The following EFL1 variants were observed in gnomAD, a reference collection of about 807,000 sequenced individuals.
EFL1 encodes the protein elongation factor-like GTPase 1.
EFL1 carries 76 observed loss-of-function variants against 126.7 expected under a neutral mutation model. The ratio of observed to expected loss-of-function variants is 0.60; its 90% CI spans 0.50 to 0.73. The LOEUF is 0.73. Among genes scored for constraint, EFL1 ranks in the 30% least tolerant of loss-of-function variants. The pLI is 0.00. For missense variants in EFL1, 1,128 were observed against 1,343.2 expected, an observed-to-expected ratio of 0.84 and a Z score of 2.50; for synonymous variants, 410 against 448.4, an observed-to-expected ratio of 0.91 and a Z score of 1.08.
intron 15 of EFL1, among the ~76,000 whole-genome samples, chr15:82,200,833 T>C (rs2074459940): frequency 6.6e-6 from 1 of 152,240 alleles, no homozygotes; most frequent in African/African-American, 2.4e-5. Flanking sequence ...GAAAAGCCAA[T>C]GTATTCACTT....
intron 15 of EFL1, among the ~76,000 whole-genome samples, chr15:82,175,529 A>C (rs1450445196): frequency 3.9e-5 from 6 of 152,168 alleles, no homozygotes; most frequent in Non-Finnish European, 5.9e-5. Context: ...TACCATTTTC[A>C]ATATGAATGG....
chr15:82,147,467 T>C (rs1252674727), intron 18 of EFL1, among the ~76,000 whole-genome samples: 3 of 151,344 alleles, frequency 2.0e-5, no homozygotes, highest in African/African-American at 4.9e-5. Flanking sequence ...CCATCTCTAC[T>C]AAAAATAACA....
At chr15:82,230,491 A>G (rs2141315612) in intron 8 of EFL1, among the ~76,000 whole-genome samples, 1 of 152,270 alleles carries the variant, frequency 6.6e-6, no homozygotes, top group East Asian at 1.9e-4. Context: ...TGTGAACCAT[A>G]CAGGGATGTC....
chr15:82,147,313 C>T (rs2073857761), intron 18 of EFL1, among the ~76,000 whole-genome samples: 1 of 152,032 alleles, frequency 6.6e-6, no homozygotes, highest in South Asian at 2.1e-4. Context: ...AGGCACAGAC[C>T]TATGCGGGCC....
At chr15:82,213,748 G>A (rs1197124806) in intron 15 of EFL1, among the ~76,000 whole-genome samples, 1 of 152,230 alleles carries the variant, frequency 6.6e-6, no homozygotes, top group African/African-American at 2.4e-5. Context: ...AAAGCTGGCT[G>A]TGGCAGCTTA....
At chr15:82,163,268 A>G (rs1031225362) in intron 16 of EFL1, among the ~76,000 whole-genome samples, 45 of 152,218 alleles carry the variant, frequency 3.0e-4, no homozygotes, top group African/African-American at 1.0e-3. Context: ...TTGGCCGGGC[A>G]CTTTAGTTCA....
In EFL1 at chr15:82,140,494, A is replaced by C. The variant is rs1241344748; in HGVS notation, c.2990-1652T>G. ...TTCAGTATCTCCTGAACTTCTTCTT[A>C]TGAGTATTCTTTGAGGCTTCATACT... On this transcript the variant is annotated intron_variant, in intron 18 of 19. Transcript: ENST00000268206. Among the ~76,000 whole-genome samples, 5 of 152,240 alleles carry C rather than the reference A, an allele frequency of 3.3e-5. 1 individual carries two copies. In the East Asian group the frequency reaches 9.7e-4, roughly 29 times the overall value.
Position 82,230,863 on chromosome 15 carries a change from G to T in EFL1, c.840C>A (p.Ile280=). The change falls in exon 8 of 20, where the codon ATC becomes ATA. Residue 280 remains isoleucine (I), a synonymous_variant. Transcript: ENST00000268206. ...DYYINMKAKK[I]MKGDQAKGKK... ...ACCACATTACCTGATCACCCTTCAT[G>T]ATCTTTTTAGCCTTCATATTTATAT... The T allele has an allele frequency of 6.2e-7, 1 of 1,611,592 alleles. No individual in the cohort carries two copies. Among genetic ancestry groups the T allele is most frequent in the South Asian group, 1.1e-5 (1 of 90,494 alleles).
chr15:82,200,188 A>G lies in EFL1; in HGVS notation c.1750+14529T>C, dbSNP rs143698636. Among the ~76,000 whole-genome samples the G allele has an allele frequency of 6.9e-3, 1,053 of 152,336 alleles. 10 individuals are homozygous for G. The highest frequency in any genetic ancestry group is 8.2e-3 in the Non-Finnish European group (556 of 68,038). On this transcript the variant is annotated intron_variant, in intron 15 of 19. Transcript: ENST00000268206. ...GCATTACCTGGGTCATGCCCTAGAAAGGCTTAGCCAGGCACATGAGAGTTA... is the reference window on the plus strand; with the variant it reads ...GCATTACCTGGGTCATGCCCTAGAAGGGCTTAGCCAGGCACATGAGAGTTA...
chr15:82,168,049 A>AT (rs1054680140), intron 15 of EFL1, among the ~76,000 whole-genome samples: 6 of 152,032 alleles, frequency 3.9e-5, no homozygotes, highest in South Asian at 2.1e-4. Flanking sequence ...AGAGATGAGG[A>AT]TTTTTTTTAA....
intron 12 of EFL1, 111 bp from the exon 13 acceptor site, chr15:82,220,340 A>T: frequency 7.3e-7 from 1 of 1,378,522 alleles, no homozygotes; most frequent in Non-Finnish European, 9.8e-7. Context: ...CATTCCAGGC[A>T]ATTTTGTCCA....
At position 82,141,505 on chromosome 15, in the gene EFL1, TA is replaced by T. The variant is rs1404958192; in HGVS notation, c.2990-2664del. 9.2e-5 allele frequency among the ~76,000 whole-genome samples: 14 copies of T among 152,038 alleles called. No individual in the cohort carries two copies. The Middle Eastern group carries it at 0.01, about 112-fold the overall frequency. On this transcript the variant is annotated intron_variant, in intron 18 of 19. Transcript: ENST00000268206. ...GCCAATATGGTCTCCACATCGCCAC[TA>T]ACACTACAAAAATTAGTTGGGCATG...
At chr15:82,131,765 C>G (rs1306721592) in intron 19 of EFL1, among the ~76,000 whole-genome samples, 1 of 151,884 alleles carries the variant, frequency 6.6e-6, no homozygotes, top group African/African-American at 2.4e-5. Flanking sequence ...GCACTCCAGC[C>G]TGGGCAACAA....
In EFL1 at chr15:82,234,397, C is replaced by G. The variant is rs188838393; in HGVS notation, c.732-3426G>C. 2.8e-4 allele frequency among the ~76,000 whole-genome samples: 43 copies of G among 152,228 alleles called. 1 individual carries two copies. Among genetic ancestry groups the G allele is most frequent in the Admixed American group, 2.6e-3 (40 of 15,284 alleles). ...GGCCTAGAAAGGTGATAATGACAACCCATCAACCATATATGAAAAGTACAA... is the reference window on the plus strand; with the variant it reads ...GGCCTAGAAAGGTGATAATGACAACGCATCAACCATATATGAAAAGTACAA... On this transcript the variant is annotated intron_variant, in intron 7 of 19. Coordinates refer to ENST00000268206, the MANE Select transcript of EFL1 (RefSeq NM_024580.6).
intron 18 of EFL1, among the ~76,000 whole-genome samples, chr15:82,144,206 T>A (rs757388755): frequency 6.6e-6 from 1 of 150,920 alleles, no homozygotes; most frequent in African/African-American, 2.4e-5. Flanking sequence ...CAGTGAGTCA[T>A]GTTTGCGCCA....
At chr15:82,232,624 T>C (rs572686456) in intron 7 of EFL1, among the ~76,000 whole-genome samples, 5 of 152,382 alleles carry the variant, frequency 3.3e-5, no homozygotes, top group African/African-American at 1.2e-4. Flanking sequence ...ATAATTCATT[T>C]ACCATAAATC....
In EFL1 at chr15:82,228,209, T is replaced by C. The variant is rs370903867; in HGVS notation, c.1051A>G (p.Ile351Val). The change falls in exon 10 of 20, where the codon ATA becomes GTA. Residue 351 changes from isoleucine (I) to valine (V), a missense_variant. By Grantham distance (29) the Ile-to-Val change is conservative. This residue lies in a region of EFL1 where 316 missense variants were observed against 318.5 expected (regional missense o/e 0.99). Transcript: ENST00000268206. ...AGGATACCAAGAACAGCATGGGATA[T>C]GGGTAGCCACTGACTGCAAATGGCG... ...INAICSQWLP[I>V]SHAVLAMVCQ... 49 of 1,613,202 alleles carry C rather than the reference T, an allele frequency of 3.0e-5. No individual in the cohort carries two copies. Among genetic ancestry groups the C allele is most frequent in the Non-Finnish European group, 4.1e-5 (48 of 1,179,826 alleles).
Position 82,219,789 on chromosome 15 carries a change from G to C in EFL1, c.1474C>G (p.Pro492Ala), listed in dbSNP as rs373434157. 38 of 1,610,542 alleles carry C rather than the reference G, an allele frequency of 2.4e-5. No individual in the cohort carries two copies. The African/African-American group carries it at 4.3e-4, about 18-fold the overall frequency. Residue 492 changes from proline (P) to alanine (A), a missense_variant, in exon 14 of 20, where the codon CCT becomes GCT. Around this residue, in one of 6 missense-constraint regions of EFL1, gnomAD observed 120 missense variants for 142.1 expected, o/e 0.84. Coordinates refer to ENST00000268206, the MANE Select transcript of EFL1 (RefSeq NM_024580.6). ...TTTTCTTCCTGGAGCACAGGTTTAG[G>C]GGTCATACTTTCCACCTGTTGCTCG... ...GDEQQVESMT[P>A]KPVLQEENNQ...
Position 82,223,920 on chromosome 15 carries a change from C to A in EFL1, c.1292+1245G>T, listed in dbSNP as rs200407612. ...TCACCCATCTATTCCTTTACTTATC[C>A]CCAGGACAAAAATTATTGAATACAC... On this transcript the variant is annotated intron_variant, in intron 12 of 19. Coordinates refer to ENST00000268206, the MANE Select transcript of EFL1 (RefSeq NM_024580.6). Among the ~76,000 whole-genome samples, 13 of 152,218 alleles carry A rather than the reference C, an allele frequency of 8.5e-5. No homozygotes were observed. In the East Asian group the frequency reaches 2.3e-3, roughly 27 times the overall value.
Sources: allele counts gnomAD v4.1 joint callset (sites outside exome capture counted in the v4.1 genomes callset), GRCh38; gene constraint gnomAD v4.1.1; regional missense constraint gnomAD v4.1.1; transcripts MANE v1.5; gene names NCBI Gene and HGNC (gene_info 2026-07-23, HGNC 2026-07-21).